CRY2: variants seen among roughly 807,000 people sequenced by gnomAD.
The protein encoded by CRY2 is cryptochrome-2.
Under a neutral mutation model 69.5 loss-of-function variants are expected in CRY2, and 31 were observed. The observed-to-expected ratio is 0.45, with a 90% CI of 0.34 to 0.60. The LOEUF (loss-of-function observed/expected upper bound fraction) is 0.60. CRY2 is among the 20% of genes least tolerant of loss of function. The pLI, the probability that CRY2 is intolerant of heterozygous loss-of-function variation, is 0.02. For synonymous variants in CRY2, 303 were observed against 312.2 expected, an observed-to-expected ratio of 0.97 and a Z score of 0.31; for missense variants, 606 against 797.8, an observed-to-expected ratio of 0.76 and a Z score of 2.90.
chr11:45,877,776 A>G (rs1451397150), intron 11 of CRY2, among the ~76,000 whole-genome samples: 1 of 152,020 alleles, frequency 6.6e-6, no homozygotes, highest in Admixed American at 6.5e-5. Context: ...CCCTTTTTCT[A>G]CAGACGCATG....
intron 5 of CRY2, among the ~76,000 whole-genome samples, chr11:45,865,852 T>G (rs1409689035): frequency 1.3e-5 from 2 of 152,214 alleles, no homozygotes; most frequent in Non-Finnish European, 2.9e-5. Flanking sequence ...AAGCCCACTG[T>G]GTACATTATC....
intron 11 of CRY2, among the ~76,000 whole-genome samples, chr11:45,880,448 C>T (rs2134655192): frequency 6.6e-6 from 1 of 152,292 alleles, no homozygotes; most frequent in Non-Finnish European, 1.5e-5. Context: ...TGGAAATGTG[C>T]TCACCTGCTG....
rs529118753 is a variant in CRY2, at chr11:45,863,417, C to T, written c.741+1269C>T. 7.2e-4 allele frequency among the ~76,000 whole-genome samples: 110 copies of T among 152,012 alleles called. No homozygotes were observed. The Middle Eastern group carries it at 0.017, about 24-fold the overall frequency. ...TCCTTTTCCACATACCCCCAGAGAGCGGGCCCCTTCTCTCAAGGGCCCTTA... is the reference window on the plus strand; with the variant it reads ...TCCTTTTCCACATACCCCCAGAGAGTGGGCCCCTTCTCTCAAGGGCCCTTA... On this transcript the variant is annotated intron_variant, in intron 5 of 11. Transcript: ENST00000616080.
chr11:45,847,298 G>A, upstream of CRY2: 1 of 1,493,110 alleles, frequency 6.7e-7, no homozygotes, highest in Non-Finnish European at 9.0e-7. Context: ...ACGTGAGGGG[G>A]CGGGCCTGTT....
intron 4 of CRY2, 29 bp from the exon 5 acceptor site, chr11:45,862,031 C>T (rs1286388750): frequency 3.1e-6 from 5 of 1,600,072 alleles, no homozygotes; most frequent in Non-Finnish European, 4.3e-6. Flanking sequence ...GGTCAAACCT[C>T]CTGTCTTGTG....
At chr11:45,870,583 C>T (rs1229068414) in intron 9 of CRY2, 51 bp downstream of exon 9, 1 of 1,593,690 alleles carries the variant, frequency 6.3e-7, no homozygotes, top group Non-Finnish European at 8.6e-7. Context: ...CACCTACAGG[C>T]TCAGGGGGCC....
chr11:45,861,072 G>C (rs1273670934), intron 4 of CRY2, 40 bp downstream of exon 4: 1 of 1,561,684 alleles, frequency 6.4e-7, no homozygotes, highest in Admixed American at 1.9e-5. Context: ...GCTGGTGCCT[G>C]CTTTTGTGTA....
intron 11 of CRY2, among the ~76,000 whole-genome samples, chr11:45,875,725 C>T (rs2086420036): frequency 6.6e-6 from 1 of 152,120 alleles, no homozygotes; most frequent in Non-Finnish European, 1.5e-5. Context: ...GGAGGAACAG[C>T]TGTGTTCTTT....
At chr11:45,872,894 A>G (rs1300224145) in intron 11 of CRY2, among the ~76,000 whole-genome samples, 1 of 152,200 alleles carries the variant, frequency 6.6e-6, no homozygotes, top group Non-Finnish European at 1.5e-5. Flanking sequence ...TAGGCCAGCC[A>G]GTGGAGGGCA....
At chr11:45,880,396 C>T (rs537610598) in intron 11 of CRY2, among the ~76,000 whole-genome samples, 1 of 152,282 alleles carries the variant, frequency 6.6e-6, no homozygotes, top group Admixed American at 6.5e-5. Context: ...CTCCTGCCCC[C>T]ACAATCTTCC....
intron 1 of CRY2, among the ~76,000 whole-genome samples, chr11:45,852,363 G>T (rs946343434): frequency 6.6e-6 from 1 of 152,182 alleles, no homozygotes; most frequent in African/African-American, 2.4e-5. Context: ...GGGTTCTAAG[G>T]GACCACAGAA....
At chr11:45,877,436 G>A (rs1039519089) in intron 11 of CRY2, among the ~76,000 whole-genome samples, 2 of 152,246 alleles carry the variant, frequency 1.3e-5, no homozygotes, top group African/African-American at 4.8e-5. Flanking sequence ...CCTCCAGGGC[G>A]AGGAGCATAG....
At chr11:45,847,962 G>T (rs2086165480) in intron 1 of CRY2, among the ~76,000 whole-genome samples, 1 of 152,224 alleles carries the variant, frequency 6.6e-6, no homozygotes, top group Admixed American at 6.5e-5. Flanking sequence ...CCGTTGTACA[G>T]ATGAGACCCT....
In CRY2 at chr11:45,861,882, CTG is replaced by C. The variant is rs2086290839; in HGVS notation, c.653-175_653-174del. On this transcript the variant is annotated intron_variant, in intron 4 of 11. Coordinates refer to ENST00000616080, the MANE Select transcript of CRY2 (RefSeq NM_021117.5). The stretch of plus-strand genomic sequence containing the variant: ...CAGGGGAAAGCAGAGAAAATAGTGA[CTG>C]TGGGAAGAGAACCAAGTTGACCTAG... 2.7e-5 allele frequency: 16 copies of C among 601,104 alleles called. 1 individual carries two copies. In the East Asian group the frequency reaches 4.4e-4, roughly 16 times the overall value. The allele number at this position is 601,104 out of a possible 1,614,324, so 37.2% of individuals were successfully genotyped here.
chr11:45,867,545 A>G (rs2086340630), intron 5 of CRY2, 67 bp from the exon 6 acceptor site: 1 of 1,598,736 alleles, frequency 6.3e-7, no homozygotes. Flanking sequence ...TTAACCACCC[A>G]ATGCCTCCAT....
chr11:45,848,195 C>T (rs2086167776), intron 1 of CRY2, among the ~76,000 whole-genome samples: 1 of 152,174 alleles, frequency 6.6e-6, no homozygotes, highest in Admixed American at 6.5e-5. Context: ...ATCCGCCCTA[C>T]CACCCATCCT....
Position 45,882,820 on chromosome 11 carries a change from G to A in CRY2, c.*1909G>A, listed in dbSNP as rs747826568. The stretch of plus-strand genomic sequence containing the variant: ...TTTAGTATTCACTAGCAGCGCCTTC[G>A]GGTAGCAGGATGATTCCTTTTCCTG... On this transcript the variant is annotated 3_prime_UTR_variant, in exon 12 of 12. Coordinates refer to ENST00000616080, the MANE Select transcript of CRY2 (RefSeq NM_021117.5). 2.8e-5 allele frequency: 11 copies of A among 397,984 alleles called. No homozygotes were observed. The highest frequency in any genetic ancestry group is 8.2e-5 in the African/African-American group (4 of 48,640). The allele number at this position is 397,984 out of a possible 1,614,324, so 24.7% of individuals were successfully genotyped here.
intron 9 of CRY2, 132 bp downstream of exon 9, chr11:45,870,664 A>T: frequency 8.3e-7 from 1 of 1,210,690 alleles, no homozygotes; most frequent in Non-Finnish European, 1.2e-6. Flanking sequence ...TTCGCTGGGT[A>T]TGGGACACTG....
chr11:45,883,082 C>T lies in CRY2; in HGVS notation c.*2171C>T, dbSNP rs932020046. The T allele has an allele frequency of 3.1e-5, 7 of 224,400 alleles. No individual in the cohort carries two copies. Among genetic ancestry groups the T allele is most frequent in the Non-Finnish European group, 5.2e-5 (6 of 115,326 alleles). The allele number at this position is 224,400 out of a possible 1,614,324, so 13.9% of individuals were successfully genotyped here. ...CAGCTCAGGTGGCCCTGAGGGCTCCCTCGGAACAGTGCCTCAAATCCTGAC... is the reference window on the plus strand; with the variant it reads ...CAGCTCAGGTGGCCCTGAGGGCTCCTTCGGAACAGTGCCTCAAATCCTGAC... On this transcript the variant is annotated 3_prime_UTR_variant, in exon 12 of 12. Coordinates refer to ENST00000616080, the MANE Select transcript of CRY2 (RefSeq NM_021117.5).
Sources: allele counts gnomAD v4.1 joint callset (sites outside exome capture counted in the v4.1 genomes callset), GRCh38; gene constraint gnomAD v4.1.1; transcripts MANE v1.5; gene names NCBI Gene and HGNC (gene_info 2026-07-23, HGNC 2026-07-21).